Variants in SAMSN1 observed in about 807,000 individuals in gnomAD.
The protein encoded by SAMSN1 is SAM domain, SH3 domain and nuclear localization signals 1.
A neutral mutation model predicts 42.0 loss-of-function variants in SAMSN1; 31 were observed. That is an observed-to-expected ratio of 0.74 (90% CI 0.55 to 1.00). The LOEUF (loss-of-function observed/expected upper bound fraction) is 1.00, where lower values mean the gene tolerates loss of function less well. SAMSN1 is among the 50% of genes least tolerant of loss of function. The pLI is 0.00. For synonymous variants in SAMSN1, 178 were observed against 151.9 expected (o/e 1.17, Z -1.26); for missense variants, 464 against 439.4 (o/e 1.06, Z -0.50).
rs1568816193 is a variant in SAMSN1 at position 14,577,275 on chromosome 21, TATA to T, written c.261+4858_261+4860del. On this transcript the variant is annotated intron_variant, in intron 2 of 8. Coordinates refer to the SAMSN1 transcript ENST00000285670. ...ATATATATATATATATATATATATA[TATA>T]TATATATTTTTTTTTTAGAAGAGAC... 9.2e-4 allele frequency among the ~76,000 whole-genome samples: 50 copies of T among 54,156 alleles called. 2 individuals are homozygous for T. Among genetic ancestry groups the T allele is most frequent in the Middle Eastern group, 6.7e-3 (1 of 150 alleles). 35.5% of individuals were successfully genotyped at this position (54,156 alleles called of 152,430 possible).
intron 5 of SAMSN1, among the ~76,000 whole-genome samples, chr21:14,607,219 T>C (rs1316460949): frequency 6.6e-6 from 1 of 152,190 alleles, no homozygotes; most frequent in African/African-American, 2.4e-5. Flanking sequence ...AGACTGCCTA[T>C]CCTCAGGCAC....
At chr21:14,512,141 C>A (rs1289953580) in intron 4 of SAMSN1, among the ~76,000 whole-genome samples, 1 of 152,124 alleles carries the variant, frequency 6.6e-6, no homozygotes. Context: ...AGGTGGCTCA[C>A]TCCAACAAAG....
chr21:14,639,929 T>G (rs539789830), intron 2 of SAMSN1, among the ~76,000 whole-genome samples: 2 of 152,332 alleles, frequency 1.3e-5, no homozygotes, highest in African/African-American at 4.8e-5. Context: ...GGACGAGCTA[T>G]CCATTATCAA....
chr21:14,504,372 G>A (rs1049632872), intron 5 of SAMSN1, among the ~76,000 whole-genome samples: 2 of 152,084 alleles, frequency 1.3e-5, no homozygotes, highest in African/African-American at 2.4e-5. Context: ...AGACGTGAAG[G>A]GAGAAATATT....
chr21:14,525,590 C>T (rs1345936096), intron 1 of SAMSN1, among the ~76,000 whole-genome samples: 2 of 152,114 alleles, frequency 1.3e-5, no homozygotes, highest in Non-Finnish European at 2.9e-5. Flanking sequence ...TTTTAAATGA[C>T]TAGCTATTTG....
intron 7 of SAMSN1, among the ~76,000 whole-genome samples, chr21:14,493,151 T>C (rs938330313): frequency 6.6e-6 from 1 of 152,166 alleles, no homozygotes; most frequent in Non-Finnish European, 1.5e-5. Flanking sequence ...CAACTGGGGA[T>C]GCTTGAGCAA....
At chr21:14,538,584 A>G (rs567708040) in intron 1 of SAMSN1, among the ~76,000 whole-genome samples, 10 of 152,316 alleles carry the variant, frequency 6.6e-5, no homozygotes, top group Non-Finnish European at 1.5e-4. Context: ...GTTAGATAAG[A>G]GTTAAAAATG....
upstream of SAMSN1, among the ~76,000 whole-genome samples, chr21:14,659,132 A>G (rs1455358322): frequency 6.6e-6 from 1 of 151,920 alleles, no homozygotes; most frequent in Admixed American, 6.6e-5. Flanking sequence ...TAAAAGTAAC[A>G]TCTTCCTCTT....
At chr21:14,551,999 G>C (rs540400592) in intron 2 of SAMSN1, among the ~76,000 whole-genome samples, 2 of 152,084 alleles carry the variant, frequency 1.3e-5, no homozygotes, top group Admixed American at 6.6e-5. Flanking sequence ...TAAGGGCTAG[G>C]GGGAGGGTAA....
At chr21:14,524,941 G>A (rs559170253) in intron 1 of SAMSN1, among the ~76,000 whole-genome samples, 3 of 152,132 alleles carry the variant, frequency 2.0e-5, no homozygotes, top group South Asian at 2.1e-4. Flanking sequence ...ATTGGGAAAT[G>A]TTATAATTAT....
At position 14,507,466 on chromosome 21, in the gene SAMSN1, A is replaced by G. The variant is rs553533059; in HGVS notation, c.561+2844T>C. 5.9e-5 allele frequency among the ~76,000 whole-genome samples: 9 copies of G among 152,236 alleles called. No individual in the cohort carries two copies. In the East Asian group the frequency reaches 1.5e-3, roughly 26 times the overall value. ...AATAGCTGCAAAAACAAAAACAAAA[A>G]CAAAACTTTGGAATATGCCTAACTA... On this transcript the variant is annotated intron_variant, in intron 5 of 7. Transcript: ENST00000400566.
At chr21:14,596,061 CT>C (rs1277373338) in intron 6 of SAMSN1, among the ~76,000 whole-genome samples, 1 of 152,126 alleles carries the variant, frequency 6.6e-6, no homozygotes, top group Admixed American at 6.6e-5. Flanking sequence ...AGTATTTCCT[CT>C]TTTTTAAATA....
chr21:14,499,622 C>T (rs917660269), intron 6 of SAMSN1, among the ~76,000 whole-genome samples: 1 of 151,754 alleles, frequency 6.6e-6, no homozygotes, highest in Non-Finnish European at 1.5e-5. Context: ...TTTAACTGTG[C>T]ATTCTTGGGG....
intron 4 of SAMSN1, chr21:14,612,636 G>A (rs1289116206): frequency 1.7e-6 from 1 of 574,878 alleles, no homozygotes; most frequent in South Asian, 1.5e-5. Context: ...AACTACCAAA[G>A]AGGATTATTC....
rs192198257 is a variant in SAMSN1 at position 14,609,131 on chromosome 21, T to G, written c.322+351A>C. On this transcript the variant is annotated intron_variant, in intron 5 of 15. Transcript: ENST00000647101. ...AACTATTAACATATCAATGTTATCT[T>G]TAGAGAGTTTTCTCGTGCTCTAATT... is the stretch of plus-strand genomic sequence containing the variant. Among the ~76,000 whole-genome samples, 21 of 152,240 alleles carry G rather than the reference T, an allele frequency of 1.4e-4. No homozygotes were observed. In the East Asian group the frequency reaches 3.9e-3, roughly 28 times the overall value.
intron 5 of SAMSN1, among the ~76,000 whole-genome samples, chr21:14,503,937 C>T (rs1391526462): frequency 6.6e-6 from 1 of 152,126 alleles, no homozygotes; most frequent in Non-Finnish European, 1.5e-5. Context: ...AGACTCTGTG[C>T]AGACAACCCT....
At chr21:14,614,631 A>T (rs985516843) in intron 3 of SAMSN1, among the ~76,000 whole-genome samples, 3 of 152,222 alleles carry the variant, frequency 2.0e-5, no homozygotes, top group Admixed American at 1.3e-4. Flanking sequence ...TCAAAATTGT[A>T]AGCAAAAACA....
chr21:14,656,428 A>T (rs1395345325), intron 1 of SAMSN1, among the ~76,000 whole-genome samples: 1 of 151,854 alleles, frequency 6.6e-6, no homozygotes, highest in Non-Finnish European at 1.5e-5. Flanking sequence ...TTATTGAAGA[A>T]ATTGTGCAGG....
intron 2 of SAMSN1, among the ~76,000 whole-genome samples, chr21:14,626,799 A>T (rs959157211): frequency 6.6e-6 from 1 of 152,202 alleles, no homozygotes; most frequent in African/African-American, 2.4e-5. Context: ...AGGATTATAA[A>T]TCATGCTGCT....
Sources: allele counts gnomAD v4.1 joint callset (sites outside exome capture counted in the v4.1 genomes callset), GRCh38; gene constraint gnomAD v4.1.1; transcripts MANE v1.5; gene names NCBI Gene and HGNC (gene_info 2026-07-23, HGNC 2026-07-21).